The following KIAA1328 variants were observed in gnomAD, a reference collection of about 807,000 sequenced individuals.
KIAA1328 encodes protein hinderin.
A neutral mutation model predicts 68.1 loss-of-function variants in KIAA1328; 52 were observed. The ratio of observed to expected loss-of-function variants is 0.76; its 90% CI spans 0.61 to 0.96. The LOEUF is 0.96. Among genes scored for constraint, KIAA1328 ranks in the 40% least tolerant of loss-of-function variants. The pLI, the probability that KIAA1328 is intolerant of heterozygous loss-of-function variation, is 0.00. For synonymous variants in KIAA1328, 232 were observed against 239.4 expected (o/e 0.97, Z 0.28); for missense variants, 641 against 677.6 (o/e 0.95, Z 0.60).
At chr18:37,202,978 G>A (rs2060142074) in intron 9 of KIAA1328, among the ~76,000 whole-genome samples, 1 of 151,076 alleles carries the variant, frequency 6.6e-6, no homozygotes, top group Non-Finnish European at 1.5e-5. Flanking sequence ...ACAGAGAAGA[G>A]ACTCAGTTTT....
chr18:37,056,081 AC>A (rs1225578234), intron 6 of KIAA1328, among the ~76,000 whole-genome samples: 1 of 152,234 alleles, frequency 6.6e-6, no homozygotes, highest in African/African-American at 2.4e-5. Flanking sequence ...AACTTATAGA[AC>A]ATCACTGTTT....
chr18:37,031,990 A>C (rs2054847708), intron 6 of KIAA1328, among the ~76,000 whole-genome samples: 1 of 151,980 alleles, frequency 6.6e-6, no homozygotes, highest in South Asian at 2.1e-4. Flanking sequence ...AACATGGTGA[A>C]ACCCCATCTC....
rs965841007 is a variant in KIAA1328 at position 36,916,908 on chromosome 18, C to A, written c.448+31236C>A. On this transcript the variant is annotated intron_variant, in intron 5 of 9. Transcript: ENST00000280020. Reference sequence around the variant, plus strand: ...AGACTATAGGCATCTGCCACTGTACCCAGCTCACTTCATTTTTTTTTTTTT... The same window carrying A: ...AGACTATAGGCATCTGCCACTGTACACAGCTCACTTCATTTTTTTTTTTTT... 2.6e-5 allele frequency among the ~76,000 whole-genome samples: 4 copies of A among 151,980 alleles called. No homozygotes were observed. In the East Asian group the frequency reaches 5.8e-4, roughly 22 times the overall value.
chr18:37,078,261 A>G (rs2056818685), intron 7 of KIAA1328, among the ~76,000 whole-genome samples: 1 of 152,346 alleles, frequency 6.6e-6, no homozygotes, highest in South Asian at 2.1e-4. Context: ...GGTGCTGGGA[A>G]AACTGGCTAG....
intron 9 of KIAA1328, among the ~76,000 whole-genome samples, chr18:37,199,949 GA>G (rs1259944315): frequency 1.3e-5 from 2 of 152,164 alleles, no homozygotes; most frequent in Non-Finnish European, 2.9e-5. Context: ...TTTTTAAAAA[GA>G]ATGACTGGAA....
intron 8 of KIAA1328, among the ~76,000 whole-genome samples, chr18:37,169,598 CTTAATA>C (rs1358920905): frequency 4.0e-5 from 6 of 151,812 alleles, no homozygotes; most frequent in African/African-American, 1.5e-4. Flanking sequence ...TGTTGGTATA[CTTAATA>C]TTAAATAAAA....
intron 6 of KIAA1328, among the ~76,000 whole-genome samples, chr18:36,984,370 C>CA (rs752061259): frequency 7.3e-5 from 11 of 151,718 alleles, no homozygotes; most frequent in Non-Finnish European, 1.3e-4. Flanking sequence ...ATGAAATCTG[C>CA]AAAAAAATGT....
chr18:37,119,437 A>G (rs1025223481), intron 7 of KIAA1328, among the ~76,000 whole-genome samples: 18 of 152,162 alleles, frequency 1.2e-4, no homozygotes, highest in African/African-American at 4.3e-4. Flanking sequence ...TTGGAAGTAC[A>G]AGATCAGAGT....
intron 7 of KIAA1328, among the ~76,000 whole-genome samples, chr18:37,137,777 G>A (rs2058676869): frequency 1.3e-5 from 2 of 152,002 alleles, no homozygotes; most frequent in South Asian, 4.2e-4. Context: ...TTCTCTGTGG[G>A]AAACTTAATT....
At chr18:37,088,782 T>A (rs1376875446) in intron 7 of KIAA1328, among the ~76,000 whole-genome samples, 1 of 152,054 alleles carries the variant, frequency 6.6e-6, no homozygotes, top group African/African-American at 2.4e-5. Flanking sequence ...TAAATTTTGT[T>A]TCATAAACCA....
intron 6 of KIAA1328, among the ~76,000 whole-genome samples, chr18:37,023,740 T>C (rs2054440720): frequency 6.6e-6 from 1 of 152,230 alleles, no homozygotes; most frequent in Non-Finnish European, 1.5e-5. Flanking sequence ...GATTACTTCA[T>C]TATCTCTGCA....
chr18:36,989,833 T>C (rs2053100677), intron 6 of KIAA1328, among the ~76,000 whole-genome samples: 1 of 152,146 alleles, frequency 6.6e-6, no homozygotes, highest in Non-Finnish European at 1.5e-5. Context: ...TAGCTGGGCC[T>C]ACAGGTGCCC....
At chr18:37,016,443 T>C (rs2054155888) in intron 6 of KIAA1328, among the ~76,000 whole-genome samples, 1 of 152,184 alleles carries the variant, frequency 6.6e-6, no homozygotes, top group Non-Finnish European at 1.5e-5. Flanking sequence ...TTATTTTTCA[T>C]TGTATCTGTA....
At chr18:36,927,090 A>G (rs996128596) in intron 5 of KIAA1328, among the ~76,000 whole-genome samples, 5 of 152,108 alleles carry the variant, frequency 3.3e-5, no homozygotes, top group Admixed American at 3.3e-4. Flanking sequence ...TGATTCATTT[A>G]CCTCCCACCA....
chr18:36,957,606 A>G (rs979655045), intron 5 of KIAA1328, among the ~76,000 whole-genome samples: 1 of 152,138 alleles, frequency 6.6e-6, no homozygotes, highest in African/African-American at 2.4e-5. Flanking sequence ...GTAGGGAGGT[A>G]TGTGTTCAGA....
intron 7 of KIAA1328, among the ~76,000 whole-genome samples, chr18:37,129,636 A>G (rs1379369941): frequency 1.3e-5 from 2 of 152,214 alleles, no homozygotes; most frequent in Non-Finnish European, 2.9e-5. Flanking sequence ...GATTGAGAAG[A>G]TTAGATTACA....
At chr18:36,885,037 T>G (rs2048452122) in intron 4 of KIAA1328, among the ~76,000 whole-genome samples, 1 of 152,106 alleles carries the variant, frequency 6.6e-6, no homozygotes, top group African/African-American at 2.4e-5. Flanking sequence ...ATCTTTTTAT[T>G]TAATCATACT....
downstream of KIAA1328, among the ~76,000 whole-genome samples, chr18:37,227,353 C>T (rs1008511769): frequency 2.0e-5 from 3 of 152,196 alleles, no homozygotes; most frequent in African/African-American, 7.2e-5. Context: ...GTAAATTAAA[C>T]AGCCTTCTAT....
chr18:36,831,816 T>G (rs1172647621), intron 1 of KIAA1328, among the ~76,000 whole-genome samples: 2 of 152,192 alleles, frequency 1.3e-5, no homozygotes, highest in South Asian at 4.1e-4. Context: ...CTTCAAATCC[T>G]GGAGGTCTGG....
Sources: gnomAD v4.1 joint callset for allele counts (sites outside exome capture counted in the v4.1 genomes callset) on GRCh38, gnomAD v4.1.1 for gene constraint, MANE v1.5 for transcripts, NCBI Gene and HGNC (gene_info 2026-07-23, HGNC 2026-07-21) for gene names.